The following DNAH5 variants were observed in gnomAD, a reference collection of about 807,000 sequenced individuals.
DNAH5 encodes the protein dynein axonemal heavy chain 5.
In DNAH5, 372 loss-of-function variants were observed where a neutral mutation model predicts 518.2. The ratio of observed to expected loss-of-function variants is 0.72; its 90% confidence interval spans 0.66 to 0.78. The LOEUF is 0.78. DNAH5 is among the 30% of genes least tolerant of loss of function. The pLI, the probability that DNAH5 is intolerant of heterozygous loss-of-function variation, is 0.00. For missense variants in DNAH5, 5,523 were observed against 5,687.0 expected, an observed-to-expected ratio of 0.97 and a Z score of 0.93; for synonymous variants, 2,039 against 2,025.9, an observed-to-expected ratio of 1.01 and a Z score of -0.17.
At chr5:13,889,065 T>C (rs1383519512) in intron 17 of DNAH5, among the ~76,000 whole-genome samples, 3 of 152,202 alleles carry the variant, frequency 2.0e-5, no homozygotes, top group Non-Finnish European at 4.4e-5. Flanking sequence ...AAACCTGATA[T>C]ATATGGAGTA....
Position 13,920,587 on chromosome 5 carries a change from G to A in DNAH5, c.691C>T (p.Leu231=), listed in dbSNP as rs1424520916. Residue 231 remains leucine (L), a synonymous_variant, in exon 6 of 79, where the codon CTG becomes TTG. Coordinates refer to ENST00000265104, the MANE Select transcript of DNAH5 (RefSeq NM_001369.3). ...VNLRKCDILE[L]KTLKEPTDYL... The stretch of plus-strand genomic sequence containing the variant: ...TCCGTAGGTTCCTTTAGGGTTTTCA[G>A]TTCAAGTATGTCACACTTTCGAAGG... 1.9e-6 allele frequency: 3 copies of A among 1,614,134 alleles called. No homozygotes were observed. In the South Asian group the frequency reaches 3.3e-5, roughly 18 times the overall value.
chr5:13,806,815 C>A (rs966935548), intron 47 of DNAH5, among the ~76,000 whole-genome samples: 2 of 151,826 alleles, frequency 1.3e-5, no homozygotes, highest in Non-Finnish European at 2.9e-5. Flanking sequence ...AAAAAATAAA[C>A]AACGCAAACT....
At chr5:13,809,958 A>G in intron 45 of DNAH5, 101 bp downstream of exon 45, 1 of 1,205,360 alleles carries the variant, frequency 8.3e-7, no homozygotes, top group Non-Finnish European at 1.2e-6. Flanking sequence ...ACAGCCAATA[A>G]TTATAAATCT....
chr5:13,909,185 T>C (rs1442169506), intron 12 of DNAH5, among the ~76,000 whole-genome samples: 1 of 152,158 alleles, frequency 6.6e-6, no homozygotes, highest in Non-Finnish European at 1.5e-5. Flanking sequence ...CAGGAATATG[T>C]TCCAAAATCC....
At chr5:13,781,696 C>G (rs373684970) in intron 52 of DNAH5, among the ~76,000 whole-genome samples, 1 of 152,144 alleles carries the variant, frequency 6.6e-6, no homozygotes, top group East Asian at 1.9e-4. Context: ...CACCGTGATT[C>G]TGAGGCCTCT....
intron 76 of DNAH5, 50 bp from the exon 77 acceptor site, chr5:13,701,486 G>A: frequency 2.0e-6 from 3 of 1,484,040 alleles, no homozygotes; most frequent in Non-Finnish European, 2.8e-6. Context: ...TAATACTGCA[G>A]TGTAAACCAG....
rs762235569 is a variant in DNAH5, at chr5:13,792,073, T to A, written c.8369A>T (p.Tyr2790Phe). 1 of 1,613,980 alleles carries A rather than the reference T, an allele frequency of 6.2e-7. No homozygotes were observed. The highest frequency in any genetic ancestry group is 8.5e-7 in the Non-Finnish European group (1 of 1,180,004). ...AGAAAGATCTCGTAGGTTAAACACA[T>A]AATGGAATTTTGCAGGGGTAGGAAG... Reference protein sequence around the residue: ...KMLPTPAKFHYVFNLRDLSRV... With the variant: ...KMLPTPAKFHFVFNLRDLSRV... Residue 2790 changes from tyrosine to phenylalanine, a missense_variant, in exon 50 of 79, where the codon TAT becomes TTT. Coordinates refer to ENST00000265104, the MANE Select transcript of DNAH5 (RefSeq NM_001369.3).
At chr5:13,735,671 T>C in intron 67 of DNAH5, 147 bp downstream of exon 67, 1 of 751,932 alleles carries the variant, frequency 1.3e-6, no homozygotes, top group South Asian at 1.5e-5. Context: ...TCAGAATGAT[T>C]TGTTAACACA....
chr5:13,955,152 C>G (rs77711188), intron 1 of DNAH5, among the ~76,000 whole-genome samples: 1 of 152,124 alleles, frequency 6.6e-6, no homozygotes, highest in Non-Finnish European at 1.5e-5. Context: ...CAACTGCTGT[C>G]TCGCGATTGA....
At chr5:13,734,506 C>T (rs1263796647) in intron 68 of DNAH5, among the ~76,000 whole-genome samples, 2 of 152,150 alleles carry the variant, frequency 1.3e-5, no homozygotes, top group Non-Finnish European at 2.9e-5. Context: ...AAATCATCCA[C>T]AGGATGAGCT....
intron 78 of DNAH5, among the ~76,000 whole-genome samples, chr5:13,696,975 A>G (rs1255687440): frequency 6.6e-6 from 1 of 152,216 alleles, no homozygotes; most frequent in African/African-American, 2.4e-5. Flanking sequence ...TTCTTAAATC[A>G]TAAAGAATTG....
chr5:13,870,257 C>T (rs762908208), intron 24 of DNAH5, among the ~76,000 whole-genome samples: 18 of 152,224 alleles, frequency 1.2e-4, no homozygotes, highest in East Asian at 3.9e-4. Context: ...TTCCCATCCC[C>T]GACTACTGAG....
chr5:13,850,689 G>C lies in DNAH5; in HGVS notation c.5077C>G (p.Leu1693Val). 6.2e-7 allele frequency: 1 copy of C among 1,614,088 alleles called. No individual in the cohort carries two copies. Among genetic ancestry groups the C allele is most frequent in the Non-Finnish European group, 8.5e-7 (1 of 1,179,976 alleles). Reference protein sequence around the residue: ...ETLGQLLPHLLDQLEICQKSL... With the variant: ...ETLGQLLPHLVDQLEICQKSL... The stretch of plus-strand genomic sequence containing the variant: ...TTCTGGCATATTTCCAACTGGTCCA[G>C]CAAGTGTGGTAACAGCTGCCCCAGG... Residue 1693 changes from leucine (L) to valine (V), a missense_variant, in exon 31 of 79, where the codon CTG (leucine) becomes GTG (valine). Leu to Val is a conservative substitution (Grantham distance 32). This residue lies in a region of DNAH5 where 5,121 missense variants were observed against 5,223.3 expected (regional missense o/e 0.98). Transcript: ENST00000265104.
At chr5:13,965,912 C>T (rs530051672) in intron 1 of DNAH5, among the ~76,000 whole-genome samples, 6 of 152,256 alleles carry the variant, frequency 3.9e-5, no homozygotes, top group African/African-American at 1.4e-4. Flanking sequence ...CCACTGGCTA[C>T]ATGGATAAGT....
At chr5:13,709,553 G>A (rs1743220164) in intron 75 of DNAH5, among the ~76,000 whole-genome samples, 1 of 152,204 alleles carries the variant, frequency 6.6e-6, no homozygotes, top group South Asian at 2.1e-4. Flanking sequence ...GGCAAGACTA[G>A]ATTGCAGCTT....
At chr5:13,946,177 C>A (rs1334987180), upstream of DNAH5, among the ~76,000 whole-genome samples, 1 of 152,206 alleles carries the variant, frequency 6.6e-6, no homozygotes, top group African/African-American at 2.4e-5. Context: ...ATCGGTGCTT[C>A]CCTAATGGTA....
chr5:13,928,139 G>C lies in DNAH5; in HGVS notation c.232C>G (p.Arg78Gly), dbSNP rs1314223921. ...IDQLFAVGGLRHLMFYYQDVE... is the reference protein window; with the variant it reads ...IDQLFAVGGLGHLMFYYQDVE... ...TCTTGATAGTAAAACATGAGGTGTC[G>C]GAGACCTCCAACAGCAAAAAGTTGA... The change falls in exon 3 of 79, where the codon CGA (arginine) becomes GGA (glycine). Residue 78 changes from arginine (R) to glycine (G), a missense_variant. Physicochemically the swap from Arg to Gly is moderately radical, Grantham distance 125. This residue lies in a region of DNAH5 where 5,121 missense variants were observed against 5,223.3 expected (regional missense o/e 0.98). Coordinates refer to ENST00000265104, the MANE Select transcript of DNAH5 (RefSeq NM_001369.3). 21 of 1,613,746 alleles carry C rather than the reference G, an allele frequency of 1.3e-5. No homozygotes were observed. Among genetic ancestry groups the C allele is most frequent in the Non-Finnish European group, 1.7e-5 (20 of 1,179,906 alleles).
intron 4 of DNAH5, among the ~76,000 whole-genome samples, chr5:13,922,585 G>T (rs1477666393): frequency 7.2e-5 from 11 of 151,944 alleles, no homozygotes; most frequent in Non-Finnish European, 1.5e-4. Context: ...AAATTAGGCT[G>T]GTGTGGTGGC....
rs112360385 is a variant in DNAH5, at chr5:13,820,472, G to A, written c.6715C>T (p.Pro2239Ser). The stretch of plus-strand genomic sequence containing the variant: ...TGGATGACCTTCAGTTTCCAAGGAG[G>A]ATGGTTGATTAAACCAGCTTCTTCA... ...QVEEAGLINH[P>S]PWKLKVIQLF... The change falls in exon 41 of 79, where the codon CCT (proline) becomes TCT (serine). Residue 2239 changes from proline to serine, a missense_variant. Around this residue, in one of 3 missense-constraint regions of DNAH5, gnomAD observed 5,121 missense variants for 5,223.3 expected, o/e 0.98. Transcript: ENST00000265104. 361 of 1,614,046 alleles carry A rather than the reference G, an allele frequency of 2.2e-4. 3 individuals are homozygous for A. The African/African-American group carries it at 3.8e-3, about 17-fold the overall frequency.
Sources: gnomAD v4.1 joint callset for allele counts (sites outside exome capture counted in the v4.1 genomes callset) on GRCh38, gnomAD v4.1.1 for gene constraint, gnomAD v4.1.1 regional missense constraint, MANE v1.5 for transcripts, NCBI Gene and HGNC (gene_info 2026-07-23, HGNC 2026-07-21) for gene names.